MAPK10: variants seen among roughly 807,000 people sequenced by gnomAD.
The protein encoded by MAPK10 is JNK3 alpha protein kinase.
A neutral mutation model predicts 59.3 loss-of-function variants in MAPK10; 25 were observed. The ratio of observed to expected loss-of-function variants is 0.42; its 90% CI spans 0.31 to 0.59. MAPK10 has a LOEUF of 0.59. MAPK10 is among the 20% of genes least tolerant of loss of function. The probability of loss-of-function intolerance (pLI) is 0.15; values close to 1 mark genes in which losing one functional copy is unlikely to be tolerated. For missense variants in MAPK10, 351 were observed against 568.9 expected, an observed-to-expected ratio of 0.62 and a Z score of 3.90; for synonymous variants, 190 against 200.5, an observed-to-expected ratio of 0.95 and a Z score of 0.44.
intron 1 of MAPK10, among the ~76,000 whole-genome samples, chr4:86,519,470 G>A (rs1436531756): frequency 6.6e-6 from 1 of 152,092 alleles, no homozygotes; most frequent in Non-Finnish European, 1.5e-5. Context: ...CATTTGCACG[G>A]AATATATTTT....
At chr4:86,227,497 AAAAG>A (rs1381107137) in intron 2 of MAPK10, among the ~76,000 whole-genome samples, 2 of 151,686 alleles carry the variant, frequency 1.3e-5, no homozygotes, top group Non-Finnish European at 2.9e-5. Context: ...AAAAAAAAAA[AAAAG>A]AAAGAAAAGA....
At position 86,514,816 on chromosome 4, in the gene MAPK10, T is replaced by C. The variant is rs555658565; in HGVS notation, c.-263+79094A>G. On this transcript the variant is annotated intron_variant, in intron 1 of 4. Transcript: ENST00000502302. ...GTAATTCATACTAAGTGTAAAATAA[T>C]CAATGTGTGTGGGGTTTACTTCTAT... Among the ~76,000 whole-genome samples, 10 of 152,324 alleles carry C rather than the reference T, an allele frequency of 6.6e-5. No homozygotes were observed. In the East Asian group the frequency reaches 1.9e-3, roughly 29 times the overall value.
intron 1 of MAPK10, among the ~76,000 whole-genome samples, chr4:86,543,991 A>C (rs1173955865): frequency 6.6e-6 from 1 of 152,240 alleles, no homozygotes; most frequent in Non-Finnish European, 1.5e-5. Flanking sequence ...AATGTCATTT[A>C]AACTAAGACT....
intron 11 of MAPK10, among the ~76,000 whole-genome samples, chr4:86,061,734 T>C (rs1214030958): frequency 2.0e-5 from 3 of 152,152 alleles, no homozygotes. Flanking sequence ...TTCCATCCAA[T>C]GAAACTTATT....
At chr4:86,513,907 G>T (rs967932325) in intron 1 of MAPK10, among the ~76,000 whole-genome samples, 2 of 152,058 alleles carry the variant, frequency 1.3e-5, no homozygotes, top group African/African-American at 4.8e-5. Flanking sequence ...AAGCTCCCTT[G>T]TTGCTCAAAT....
chr4:86,518,832 C>A (rs1252970236), intron 1 of MAPK10, among the ~76,000 whole-genome samples: 1 of 152,062 alleles, frequency 6.6e-6, no homozygotes, highest in Non-Finnish European at 1.5e-5. Flanking sequence ...TTGTTCAGTT[C>A]AAATAATTTT....
chr4:86,185,481 T>C (rs1033153587), intron 3 of MAPK10, among the ~76,000 whole-genome samples: 2 of 152,136 alleles, frequency 1.3e-5, no homozygotes, highest in Non-Finnish European at 2.9e-5. Flanking sequence ...AGGATTTTAA[T>C]TTTTGCTGAG....
intron 7 of MAPK10, 178 bp from the exon 8 acceptor site, chr4:86,101,395 G>T: frequency 1.9e-6 from 1 of 520,368 alleles, no homozygotes; most frequent in South Asian, 3.2e-5. Flanking sequence ...TTTTTGGAAA[G>T]TGTTTTAATC....
chr4:86,206,502 A>C (rs2084022584), intron 2 of MAPK10, among the ~76,000 whole-genome samples: 1 of 152,052 alleles, frequency 6.6e-6, no homozygotes, highest in African/African-American at 2.4e-5. Flanking sequence ...GCTGCAATAA[A>C]CATACGTGTG....
intron 2 of MAPK10, among the ~76,000 whole-genome samples, chr4:86,288,743 G>A (rs978984782): frequency 2.0e-5 from 3 of 152,090 alleles, no homozygotes; most frequent in African/African-American, 7.2e-5. Context: ...ATAGTCACAT[G>A]AGTCAGAAAA....
At chr4:86,073,075 G>C in intron 9 of MAPK10, among the ~76,000 whole-genome samples, 1 of 96,236 alleles carries the variant, frequency 1.0e-5, no homozygotes, top group Non-Finnish European at 2.2e-5. Context: ...TTCAGCTCCT[G>C]TTATTGGTCT....
At chr4:86,392,980 A>G (rs1241819537) in intron 1 of MAPK10, among the ~76,000 whole-genome samples, 1 of 152,232 alleles carries the variant, frequency 6.6e-6, no homozygotes, top group Non-Finnish European at 1.5e-5. Context: ...AATTCTATAT[A>G]TTATTCTTCA....
At chr4:86,260,688 C>T (rs527888192) in intron 2 of MAPK10, among the ~76,000 whole-genome samples, 1 of 152,042 alleles carries the variant, frequency 6.6e-6, no homozygotes, top group East Asian at 1.9e-4. Flanking sequence ...AAAGAAAACA[C>T]GTGACTGGCT....
chr4:86,270,946 C>T (rs375001793), intron 2 of MAPK10, among the ~76,000 whole-genome samples: 28 of 151,966 alleles, frequency 1.8e-4, no homozygotes, highest in Admixed American at 1.2e-3. Context: ...ATTTTCAGTT[C>T]GGAAAAATTA....
At chr4:86,028,630 T>A (rs973663769) in intron 13 of MAPK10, 4 of 152,984 alleles carry the variant, frequency 2.6e-5, no homozygotes, top group African/African-American at 9.6e-5. Context: ...TTAGCATTAA[T>A]AAGTAAATTG....
intron 1 of MAPK10, among the ~76,000 whole-genome samples, chr4:86,507,659 TATATATATATATAA>T (rs1755891116): frequency 1.0e-5 from 1 of 99,732 alleles, no homozygotes; most frequent in South Asian, 2.9e-4. Context: ...TATATATATA[TATATATATATATAA>T]AATCATGTGT....
chr4:86,447,332 T>C (rs1045663196), intron 1 of MAPK10, among the ~76,000 whole-genome samples: 4 of 152,184 alleles, frequency 2.6e-5, no homozygotes, highest in African/African-American at 4.8e-5. Flanking sequence ...TCCACCATGA[T>C]TGTAAATTTC....
intron 2 of MAPK10, among the ~76,000 whole-genome samples, chr4:86,290,699 T>C (rs998299247): frequency 1.3e-5 from 2 of 152,180 alleles, no homozygotes; most frequent in Non-Finnish European, 2.9e-5. Context: ...CAGCACTCAA[T>C]AAATACTGGT....
intron 1 of MAPK10, among the ~76,000 whole-genome samples, chr4:86,405,876 C>T (rs1381917386): frequency 1.3e-5 from 2 of 152,218 alleles, no homozygotes; most frequent in Admixed American, 1.3e-4. Flanking sequence ...AATCCATCAT[C>T]TTGTTCTTCC....
Sources: allele counts gnomAD v4.1 joint callset (sites outside exome capture counted in the v4.1 genomes callset), GRCh38; gene constraint gnomAD v4.1.1; transcripts MANE v1.5; gene names NCBI Gene and HGNC (gene_info 2026-07-23, HGNC 2026-07-21).